The following GPR158 variants were observed in gnomAD, a reference collection of about 807,000 sequenced individuals.
The protein encoded by GPR158 is metabotropic glycine receptor.
GPR158 carries 30 observed loss-of-function variants against 78.2 expected under a neutral mutation model. That is an observed-to-expected ratio of 0.38 (90% CI 0.29 to 0.52). The LOEUF (loss-of-function observed/expected upper bound fraction) is 0.52. Ranked by LOEUF, GPR158 falls within the 20% of genes least tolerant of loss-of-function variation. GPR158 has a pLI of 0.83. For synonymous variants in GPR158, 581 were observed against 591.1 expected (o/e 0.98, Z 0.25); for missense variants, 1,463 against 1,523.5 (o/e 0.96, Z 0.66).
chr10:25,221,716 T>C (rs1022036763), intron 2 of GPR158, among the ~76,000 whole-genome samples: 5 of 152,214 alleles, frequency 3.3e-5, no homozygotes, highest in African/African-American at 1.2e-4. Context: ...GAAACAGGCA[T>C]GGAGATCATG....
At chr10:25,417,839 C>A (rs1026779186) in intron 4 of GPR158, among the ~76,000 whole-genome samples, 3 of 152,110 alleles carry the variant, frequency 2.0e-5, no homozygotes, top group African/African-American at 7.2e-5. Flanking sequence ...GAATCTGAGA[C>A]TTTTTCTCTG....
At chr10:25,256,319 C>G (rs1004177663) in intron 2 of GPR158, among the ~76,000 whole-genome samples, 1 of 152,076 alleles carries the variant, frequency 6.6e-6, no homozygotes, top group Admixed American at 6.5e-5. Flanking sequence ...TTCAATATAC[C>G]TTATCATGCA....
At chr10:25,216,440 A>G (rs1292501337) in intron 1 of GPR158, among the ~76,000 whole-genome samples, 1 of 151,566 alleles carries the variant, frequency 6.6e-6, no homozygotes, top group African/African-American at 2.4e-5. Context: ...ATAGCAGTTT[A>G]TGATACTTTC....
chr10:25,585,282 A>T (rs1157572296), intron 7 of GPR158, among the ~76,000 whole-genome samples: 2 of 152,186 alleles, frequency 1.3e-5, no homozygotes, highest in Non-Finnish European at 2.9e-5. Flanking sequence ...CATCATTTAG[A>T]CTTACTCAAC....
intron 2 of GPR158, among the ~76,000 whole-genome samples, chr10:25,391,259 G>C (rs1375028523): frequency 6.6e-6 from 1 of 152,158 alleles, no homozygotes; most frequent in Non-Finnish European, 1.5e-5. Flanking sequence ...CTGGGGCACT[G>C]CCTAGTGGAG....
intron 2 of GPR158, among the ~76,000 whole-genome samples, chr10:25,277,831 G>A (rs1016948228): frequency 2.6e-5 from 4 of 152,158 alleles, no homozygotes; most frequent in African/African-American, 9.7e-5. Context: ...TGGTTTTAGG[G>A]AAGAGACAGG....
At chr10:25,263,339 G>C (rs1853994286) in intron 2 of GPR158, among the ~76,000 whole-genome samples, 1 of 152,130 alleles carries the variant, frequency 6.6e-6, no homozygotes, top group South Asian at 2.1e-4. Flanking sequence ...TCAGTTGACT[G>C]TATTTAGGTG....
At chr10:25,219,108 C>G (rs2807238) in intron 1 of GPR158, among the ~76,000 whole-genome samples, 19,507 of 152,170 alleles carry the variant, frequency 0.13, 1,515 homozygotes, top group East Asian at 0.3. Flanking sequence ...TTGGTGGAAC[C>G]TACTTCGATT....
At chr10:25,359,334 A>G (rs35641363) in intron 2 of GPR158, among the ~76,000 whole-genome samples, 15,113 of 151,970 alleles carry the variant, frequency 0.099, 1,855 homozygotes, top group African/African-American at 0.3. Flanking sequence ...AGGTATACAC[A>G]TGCCATGGTA....
intron 5 of GPR158, among the ~76,000 whole-genome samples, chr10:25,519,896 A>G (rs1836235606): frequency 1.6e-5 from 1 of 60,758 alleles, no homozygotes; most frequent in Non-Finnish European, 2.9e-5. Flanking sequence ...CGTTCTCTGT[A>G]TTTCCTGAAT....
chr10:25,402,041 G>C (rs930006765), intron 3 of GPR158, among the ~76,000 whole-genome samples: 2 of 152,078 alleles, frequency 1.3e-5, no homozygotes, highest in Non-Finnish European at 2.9e-5. Flanking sequence ...GCAGTGAACA[G>C]ACTGGTGGCA....
chr10:25,341,957 T>C (rs1184886004), intron 2 of GPR158, among the ~76,000 whole-genome samples: 1 of 152,114 alleles, frequency 6.6e-6, no homozygotes, highest in East Asian at 1.9e-4. Flanking sequence ...CATTTTTCTC[T>C]CTCTATAACT....
At chr10:25,349,998 T>C (rs965988009) in intron 2 of GPR158, among the ~76,000 whole-genome samples, 1 of 152,006 alleles carries the variant, frequency 6.6e-6, no homozygotes, top group African/African-American at 2.4e-5. Flanking sequence ...GGAAGTAGTT[T>C]GATTCTTCTT....
At chr10:25,287,480 T>C (rs1854368847) in intron 2 of GPR158, among the ~76,000 whole-genome samples, 1 of 152,134 alleles carries the variant, frequency 6.6e-6, no homozygotes, top group South Asian at 2.1e-4. Context: ...TTTGTTTGTA[T>C]TGGTGAGCAG....
intron 2 of GPR158, among the ~76,000 whole-genome samples, chr10:25,328,791 A>G (rs1485202121): frequency 1.3e-5 from 2 of 151,852 alleles, no homozygotes; most frequent in African/African-American, 2.4e-5. Flanking sequence ...GCCAGGCATC[A>G]TGGCGGACAC....
intron 3 of GPR158, among the ~76,000 whole-genome samples, chr10:25,408,194 T>C (rs535601767): frequency 6.6e-6 from 1 of 152,328 alleles, no homozygotes; most frequent in Admixed American, 6.5e-5. Flanking sequence ...AGCAAAGATT[T>C]GTGTGAGAAG....
At chr10:25,197,391 G>A (rs1852857407) in intron 1 of GPR158, among the ~76,000 whole-genome samples, 1 of 152,056 alleles carries the variant, frequency 6.6e-6, no homozygotes, top group Non-Finnish European at 1.5e-5. Flanking sequence ...TTTTAAGGGT[G>A]TCTAGCATAA....
chr10:25,589,706 T>C (rs994678500), intron 8 of GPR158, among the ~76,000 whole-genome samples: 1 of 152,154 alleles, frequency 6.6e-6, no homozygotes, highest in African/African-American at 2.4e-5. Flanking sequence ...TATAGCTTGG[T>C]CCTCTATTGT....
Position 25,222,181 on chromosome 10 carries a change from C to T in GPR158, c.1008+1024C>T, listed in dbSNP as rs576754000. On this transcript the variant is annotated intron_variant, in intron 2 of 10. Transcript: ENST00000376351. ...ATGTATACACCCACCACGCATACTCCTGCCACACACAACCCACATACCCCT... is the reference window on the plus strand; with the variant it reads ...ATGTATACACCCACCACGCATACTCTTGCCACACACAACCCACATACCCCT... Among the ~76,000 whole-genome samples, 5 of 152,138 alleles carry T rather than the reference C, an allele frequency of 3.3e-5. No individual in the cohort carries two copies. The South Asian group carries it at 1.0e-3, about 32-fold the overall frequency.
Sources: allele counts gnomAD v4.1 joint callset (sites outside exome capture counted in the v4.1 genomes callset), GRCh38; gene constraint gnomAD v4.1.1; transcripts MANE v1.5; gene names NCBI Gene and HGNC (gene_info 2026-07-23, HGNC 2026-07-21).